The following NRG4 variants were observed in gnomAD, a reference collection of about 807,000 sequenced individuals.
NRG4 encodes neuregulin 4.
Under a neutral mutation model 15.0 loss-of-function variants are expected in NRG4, and 10 were observed. The observed-to-expected ratio is 0.67, with a 90% CI of 0.41 to 1.13. The LOEUF (loss-of-function observed/expected upper bound fraction) is 1.13, where lower values mean the gene tolerates loss of function less well. Among genes scored for constraint, NRG4 ranks in the 50% most tolerant of loss-of-function variants. The pLI is 0.00. For missense variants in NRG4, 139 were observed against 140.2 expected (o/e 0.99, Z 0.04); for synonymous variants, 41 against 50.1 (o/e 0.82, Z 0.77).
chr15:76,026,148 C>T (rs1001607500), intron 5 of NRG4, among the ~76,000 whole-genome samples: 16 of 152,166 alleles, frequency 1.1e-4, no homozygotes, highest in Non-Finnish European at 2.9e-5. Context: ...CAGCTGAAGA[C>T]TTTACAAGTT....
rs147330465 is a variant in NRG4, at chr15:76,004,285, G to T, written c.104+4915C>A. ...AAATAGTTATAGAATATACACAAAA[G>T]GAAATGAGAAAGGAATTTAAACATT... On this transcript the variant is annotated intron_variant, in intron 3 of 5. Coordinates refer to ENST00000394907, the MANE Select transcript of NRG4 (RefSeq NM_138573.4). Among the ~76,000 whole-genome samples the T allele has an allele frequency of 2.9e-3, 443 of 152,154 alleles. 3 individuals are homozygous for T. The highest frequency in any genetic ancestry group is 0.014 in the Middle Eastern group (4 of 294).
At chr15:76,024,161 C>T (rs1340244635) in intron 5 of NRG4, among the ~76,000 whole-genome samples, 1 of 152,254 alleles carries the variant, frequency 6.6e-6, no homozygotes, top group African/African-American at 2.4e-5. Flanking sequence ...AGTCTTGGGC[C>T]TAAGAAACAG....
chr15:75,951,880 T>C (rs1033907810), intron 5 of NRG4, among the ~76,000 whole-genome samples: 2 of 152,206 alleles, frequency 1.3e-5, no homozygotes, highest in African/African-American at 4.8e-5. Flanking sequence ...TTTACCCACA[T>C]AGTTGTCATT....
chr15:75,972,578 T>C (rs1327148228), intron 3 of NRG4, among the ~76,000 whole-genome samples: 2 of 152,342 alleles, frequency 1.3e-5, no homozygotes, highest in East Asian at 3.9e-4. Flanking sequence ...AGTTTCAGTT[T>C]TCTGCCTATG....
upstream of NRG4, among the ~76,000 whole-genome samples, chr15:76,016,075 GA>G (rs1267207281): frequency 2.0e-5 from 3 of 152,136 alleles, no homozygotes; most frequent in African/African-American, 7.2e-5. Flanking sequence ...TTAGTGTTGG[GA>G]GGGGGTATGT....
chr15:75,950,440 CT>C (rs2031811230), intron 5 of NRG4: 1 of 166,396 alleles, frequency 6.0e-6, no homozygotes, highest in Non-Finnish European at 1.5e-5. Flanking sequence ...AGTCGAGCCT[CT>C]CTACAGATGG....
At chr15:75,998,316 A>G (rs1186438520) in intron 3 of NRG4, among the ~76,000 whole-genome samples, 2 of 152,214 alleles carry the variant, frequency 1.3e-5, no homozygotes, top group African/African-American at 4.8e-5. Context: ...AGAGAGGAAG[A>G]GAGGGAATAG....
At chr15:75,960,097 A>C (rs1220037742) in intron 4 of NRG4, among the ~76,000 whole-genome samples, 1 of 152,222 alleles carries the variant, frequency 6.6e-6, no homozygotes, top group East Asian at 1.9e-4. Context: ...CCAAACTTAG[A>C]CTATCCTGAC....
At chr15:76,021,752 T>C (rs2035160981) in intron 5 of NRG4, among the ~76,000 whole-genome samples, 1 of 152,248 alleles carries the variant, frequency 6.6e-6, no homozygotes, top group South Asian at 2.1e-4. Flanking sequence ...GATTTTGTGT[T>C]ATTTTTTGCA....
intron 3 of NRG4, among the ~76,000 whole-genome samples, chr15:75,963,316 T>C (rs1363402531): frequency 1.3e-5 from 2 of 151,972 alleles, no homozygotes; most frequent in African/African-American, 4.8e-5. Context: ...AAAGTAAGGA[T>C]AGGATATCGG....
At chr15:75,992,767 G>C (rs2034066148) in intron 3 of NRG4, among the ~76,000 whole-genome samples, 1 of 152,008 alleles carries the variant, frequency 6.6e-6, no homozygotes, top group African/African-American at 2.4e-5. Context: ...TTACACATTT[G>C]GGGTTATTTT....
upstream of NRG4, among the ~76,000 whole-genome samples, chr15:76,017,192 TG>T (rs1418282602): frequency 4.2e-5 from 6 of 142,064 alleles, no homozygotes; most frequent in Non-Finnish European, 9.2e-5. Flanking sequence ...TCCATTTGCT[TG>T]GTAAATATTC....
chr15:75,950,105 A>G (rs1449257021), intron 5 of NRG4, among the ~76,000 whole-genome samples: 1 of 152,214 alleles, frequency 6.6e-6, no homozygotes, highest in Non-Finnish European at 1.5e-5. Flanking sequence ...TCTATGAACA[A>G]AATATAACTC....
Position 75,955,961 on chromosome 15 carries a change from A to T in NRG4, c.302T>A (p.Val101Glu). The change falls in exon 5 of 6, where the codon GTA (valine) becomes GAA (glutamate). Residue 101 changes from valine to glutamate, a missense_variant. Physicochemically the swap from Val to Glu is moderately radical, Grantham distance 121 (BLOSUM62 -2). Transcript: ENST00000394907. The part of the protein sequence containing the change: ...ASSVQYDINL[V>E]ETSSTSAHHS... ...GTGGGCACTGGTACTGCTCGTCTCT[A>T]CCAGGTTGATATCATACTGGACTGA... 6.2e-7 allele frequency: 1 copy of T among 1,611,752 alleles called. No homozygotes were observed. The highest frequency in any genetic ancestry group is 2.2e-5 in the East Asian group (1 of 44,860).
chr15:76,054,110 T>TG (rs1388936713), intron 2 of NRG4, among the ~76,000 whole-genome samples: 1 of 150,618 alleles, frequency 6.6e-6, no homozygotes, highest in African/African-American at 2.5e-5. Flanking sequence ...CTTTTTGAGA[T>TG]GGGGTGTCAC....
chr15:75,947,004 A>G (rs944965760), intron 5 of NRG4, among the ~76,000 whole-genome samples: 4 of 152,116 alleles, frequency 2.6e-5, no homozygotes, highest in East Asian at 1.9e-4. Context: ...TAATGCTGCT[A>G]TTGAGGCAGG....
chr15:76,000,846 T>C (rs554029205), intron 3 of NRG4, among the ~76,000 whole-genome samples: 2 of 152,292 alleles, frequency 1.3e-5, no homozygotes, highest in African/African-American at 4.8e-5. Context: ...TACCTTCTAG[T>C]TGTAAAAACG....
At chr15:76,059,531 C>G (rs1466270090) in intron 1 of NRG4, 1 of 152,694 alleles carries the variant, frequency 6.5e-6, no homozygotes, top group East Asian at 1.9e-4. Context: ...GAGCGACGCC[C>G]TCGGCCTCCG....
At chr15:76,045,549 A>T (rs2035849749) in intron 4 of NRG4, among the ~76,000 whole-genome samples, 1 of 151,062 alleles carries the variant, frequency 6.6e-6, no homozygotes, top group South Asian at 2.1e-4. Flanking sequence ...AGATGAACAG[A>T]TAAAGAAAAT....
Sources: allele counts gnomAD v4.1 joint callset (sites outside exome capture counted in the v4.1 genomes callset), GRCh38; gene constraint gnomAD v4.1.1; transcripts MANE v1.5; gene names NCBI Gene and HGNC (gene_info 2026-07-23, HGNC 2026-07-21).